FAR1: variants seen among roughly 807,000 people sequenced by gnomAD.
FAR1 encodes the protein fatty acyl-CoA reductase 1.
In FAR1, 22 loss-of-function variants were observed where a neutral mutation model predicts 61.1. The observed-to-expected ratio is 0.36, with a 90% CI of 0.26 to 0.51. The LOEUF (loss-of-function observed/expected upper bound fraction) is 0.51. Among genes scored for constraint, FAR1 ranks in the 20% least tolerant of loss-of-function variants. The pLI is 0.95. For missense variants in FAR1, 359 were observed against 626.9 expected, an observed-to-expected ratio of 0.57 and a Z score of 4.56; for synonymous variants, 206 against 209.7, an observed-to-expected ratio of 0.98 and a Z score of 0.15.
intron 1 of FAR1, among the ~76,000 whole-genome samples, chr11:13,677,438 A>G (rs532245957): frequency 3.3e-4 from 50 of 152,372 alleles, no homozygotes; most frequent in African/African-American, 1.1e-3. Flanking sequence ...TAAACTAGGA[A>G]AAGATTTTTG....
At chr11:13,720,639 A>T (rs1234217870) in intron 9 of FAR1, 2 of 151,490 alleles carry the variant, frequency 1.3e-5, no homozygotes, top group Admixed American at 1.3e-4. Flanking sequence ...TTAGCTAATG[A>T]TACTTTTTTG....
chr11:13,671,282 A>G (rs1591250797), intron 1 of FAR1, among the ~76,000 whole-genome samples: 1 of 152,208 alleles, frequency 6.6e-6, no homozygotes, highest in Admixed American at 6.5e-5. Context: ...AGTAGTTTGT[A>G]CTTGGTATAA....
At chr11:13,727,882 A>G (rs1437237437) in intron 11 of FAR1, among the ~76,000 whole-genome samples, 199 bp downstream of exon 11, 1 of 151,844 alleles carries the variant, frequency 6.6e-6, no homozygotes, top group African/African-American at 2.4e-5. Context: ...TATCCCTCTC[A>G]TGCCTCATAA....
In FAR1 at chr11:13,713,318, T is replaced by G. The variant is rs576927232; in HGVS notation, c.955+285T>G. 3.5e-5 allele frequency among the ~76,000 whole-genome samples: 5 copies of G among 143,612 alleles called. No homozygotes were observed. In the South Asian group the frequency reaches 1.3e-3, roughly 37 times the overall value. 94.2% of individuals were successfully genotyped at this position (143,612 alleles called of 152,430 possible). A position where few individuals can be genotyped will look rare whatever the true frequency, so the allele number is the denominator to read the frequency against. On this transcript the variant is annotated intron_variant, in intron 8 of 11. Coordinates refer to ENST00000354817, the MANE Select transcript of FAR1 (RefSeq NM_032228.6). ...CTGCAGTAGCCCTCGTAGATACCTA[T>G]GGCATGGGAACAGTGCTTTTTTTCT...
chr11:13,693,118 C>T (rs530890033), intron 1 of FAR1, among the ~76,000 whole-genome samples: 9 of 152,100 alleles, frequency 5.9e-5, no homozygotes, highest in Non-Finnish European at 1.2e-4. Context: ...CTTTTGGCTT[C>T]CCTGGGCCAC....
chr11:13,698,806 G>A lies in FAR1; in HGVS notation c.190-1511G>A, dbSNP rs372868396. ...AGATCGCACCACTGCACTCCAGCCTGGGCAACAGAGCAAGACTCCGTCTCA... is the reference window on the plus strand; with the variant it reads ...AGATCGCACCACTGCACTCCAGCCTAGGCAACAGAGCAAGACTCCGTCTCA... On this transcript the variant is annotated intron_variant, in intron 2 of 11. Coordinates refer to ENST00000354817, the MANE Select transcript of FAR1 (RefSeq NM_032228.6). Among the ~76,000 whole-genome samples the A allele has an allele frequency of 5.0e-3, 758 of 151,766 alleles. 9 individuals carry two copies. Among genetic ancestry groups the A allele is most frequent in the African/African-American group, 0.017 (719 of 41,362 alleles).
intron 11 of FAR1, among the ~76,000 whole-genome samples, 153 bp from the exon 12 acceptor site, chr11:13,728,459 C>G (rs1479722236): frequency 6.6e-6 from 1 of 151,860 alleles, no homozygotes; most frequent in Non-Finnish European, 1.5e-5. Flanking sequence ...AGGTACATAT[C>G]TGTTTTACCT....
chr11:13,726,173 T>C (rs1236561946), intron 10 of FAR1, among the ~76,000 whole-genome samples: 1 of 152,068 alleles, frequency 6.6e-6, no homozygotes, highest in Non-Finnish European at 1.5e-5. Flanking sequence ...ATAATGCATG[T>C]TTTAATTCTA....
chr11:13,703,244 C>T (rs1184409408), intron 3 of FAR1, among the ~76,000 whole-genome samples: 1 of 152,150 alleles, frequency 6.6e-6, no homozygotes, highest in Non-Finnish European at 1.5e-5. Flanking sequence ...AGTGCAGTGA[C>T]ACAATCATGG....
At chr11:13,683,848 T>C (rs1848157188) in intron 1 of FAR1, among the ~76,000 whole-genome samples, 1 of 152,216 alleles carries the variant, frequency 6.6e-6, no homozygotes, top group Admixed American at 6.5e-5. Context: ...AGACTTTCCA[T>C]TGCAGTACTT....
chr11:13,726,282 A>G (rs1236853778), intron 10 of FAR1, among the ~76,000 whole-genome samples: 3 of 151,820 alleles, frequency 2.0e-5, no homozygotes. Flanking sequence ...ATTGCTCTTT[A>G]TTTCTTCCTC....
chr11:13,723,352 G>A (rs1848633104), intron 10 of FAR1: 1 of 355,760 alleles, frequency 2.8e-6, no homozygotes, highest in Non-Finnish European at 5.1e-6. Flanking sequence ...ACAATAGAGT[G>A]AGAGTCTCTC....
At chr11:13,699,114 C>T (rs1848341179) in intron 2 of FAR1, among the ~76,000 whole-genome samples, 1 of 152,180 alleles carries the variant, frequency 6.6e-6, no homozygotes. Context: ...ACTTTTGTCC[C>T]TAACACACAC....
intron 2 of FAR1, among the ~76,000 whole-genome samples, chr11:13,697,663 T>C (rs1483558045): frequency 2.0e-5 from 3 of 152,180 alleles, no homozygotes; most frequent in Non-Finnish European, 4.4e-5. Flanking sequence ...CTAGCAAGTT[T>C]AAGAGCAGCA....
chr11:13,722,858 C>CTCTA (rs905924337), intron 10 of FAR1, among the ~76,000 whole-genome samples: 151 of 147,868 alleles, frequency 1.0e-3, no homozygotes, highest in East Asian at 2.8e-3. Flanking sequence ...CTCTCTCTCT[C>CTCTA]TATATATATA....
At chr11:13,708,885 A>G (rs541036662) in intron 4 of FAR1, among the ~76,000 whole-genome samples, 1 of 152,318 alleles carries the variant, frequency 6.6e-6, no homozygotes, top group African/African-American at 2.4e-5. Flanking sequence ...CAATTGTTAC[A>G]TGAAAATTAT....
At chr11:13,689,188 T>C (rs1008222476) in intron 1 of FAR1, among the ~76,000 whole-genome samples, 11 of 152,178 alleles carry the variant, frequency 7.2e-5, no homozygotes, top group Non-Finnish European at 1.0e-4. Flanking sequence ...CGAAATATAA[T>C]AAATTCAGAA....
At chr11:13,695,332 A>G (rs1848296787) in intron 2 of FAR1, among the ~76,000 whole-genome samples, 1 of 152,164 alleles carries the variant, frequency 6.6e-6, no homozygotes, top group African/African-American at 2.4e-5. Context: ...TGCTTTGATA[A>G]AATTTATAAA....
At chr11:13,702,447 T>TA (rs1295490196) in intron 3 of FAR1, among the ~76,000 whole-genome samples, 1 of 152,176 alleles carries the variant, frequency 6.6e-6, no homozygotes, top group East Asian at 1.9e-4. Context: ...AACTAACAAA[T>TA]ATCCTTATTT....
Sources: gnomAD v4.1 joint callset for allele counts (sites outside exome capture counted in the v4.1 genomes callset) on GRCh38, gnomAD v4.1.1 for gene constraint, MANE v1.5 for transcripts, NCBI Gene and HGNC (gene_info 2026-07-23, HGNC 2026-07-21) for gene names.